The following MDGA2 variants were observed in gnomAD, a reference collection of about 807,000 sequenced individuals.
The protein encoded by MDGA2 is MAM domain containing glycosylphosphatidylinositol anchor 2, also known as MAM domain-containing glycosylphosphatidylinositol anchor protein 2.
MDGA2 carries 40 observed loss-of-function variants against 117.8 expected under a neutral mutation model. That is an observed-to-expected ratio of 0.34 (90% CI 0.26 to 0.44). MDGA2 has a LOEUF of 0.44. MDGA2 is among the 20% of genes least tolerant of loss of function. The pLI, the probability that MDGA2 is intolerant of heterozygous loss-of-function variation, is 1.00. For missense variants in MDGA2, 1,123 were observed against 1,250.6 expected (o/e 0.90, Z 1.54); for synonymous variants, 452 against 439.0 (o/e 1.03, Z -0.37).
intron 5 of MDGA2, among the ~76,000 whole-genome samples, chr14:47,116,661 C>T (rs897901406): frequency 5.9e-5 from 9 of 151,916 alleles, no homozygotes; most frequent in Admixed American, 5.2e-4. Flanking sequence ...AAGATAGTCT[C>T]CTAGACAAAG....
intron 2 of MDGA2, among the ~76,000 whole-genome samples, chr14:47,287,694 A>G (rs766969513): frequency 3.9e-5 from 6 of 152,208 alleles, no homozygotes; most frequent in Non-Finnish European, 8.8e-5. Flanking sequence ...AATATATGTT[A>G]CAGGTTGATT....
chr14:47,341,244 C>G (rs1890612984), intron 1 of MDGA2, among the ~76,000 whole-genome samples: 1 of 152,148 alleles, frequency 6.6e-6, no homozygotes, highest in South Asian at 2.1e-4. Flanking sequence ...GGCTGGGAAA[C>G]TATTTCTTAA....
At chr14:47,407,198 G>A (rs1892276475) in intron 1 of MDGA2, among the ~76,000 whole-genome samples, 1 of 151,910 alleles carries the variant, frequency 6.6e-6, no homozygotes, top group Non-Finnish European at 1.5e-5. Context: ...TTAAGATTCT[G>A]GTGTATTTTG....
intron 1 of MDGA2, among the ~76,000 whole-genome samples, chr14:47,655,895 C>T (rs1897734113): frequency 1.3e-5 from 2 of 152,128 alleles, no homozygotes; most frequent in African/African-American, 2.4e-5. Flanking sequence ...CATATAATCC[C>T]ACACATCCCA....
chr14:47,610,856 C>A (rs536293480), intron 1 of MDGA2, among the ~76,000 whole-genome samples: 2 of 151,978 alleles, frequency 1.3e-5, no homozygotes, highest in Non-Finnish European at 2.9e-5. Flanking sequence ...TAGAAAAAAA[C>A]TATTCTAAAA....
chr14:47,089,098 T>G (rs1254811989), intron 6 of MDGA2, among the ~76,000 whole-genome samples: 1 of 152,132 alleles, frequency 6.6e-6, no homozygotes, highest in African/African-American at 2.4e-5. Context: ...GATTTTTTTT[T>G]CCTGAGTATA....
At chr14:47,200,877 C>T in intron 3 of MDGA2, 1 of 861,674 alleles carries the variant, frequency 1.2e-6, no homozygotes, top group South Asian at 1.3e-5. Flanking sequence ...CCGTCAAACA[C>T]CTTAAGGCAG....
intron 8 of MDGA2, among the ~76,000 whole-genome samples, chr14:47,024,524 T>A (rs907105436): frequency 1.3e-5 from 2 of 152,194 alleles, no homozygotes; most frequent in African/African-American, 4.8e-5. Flanking sequence ...TAGCTTTGAA[T>A]AGTTTCCTCC....
intron 8 of MDGA2, among the ~76,000 whole-genome samples, chr14:47,009,324 T>C (rs988124440): frequency 6.6e-5 from 10 of 152,094 alleles, no homozygotes; most frequent in Non-Finnish European, 1.5e-5. Flanking sequence ...TAATATGCTA[T>C]AGTTTCTCCT....
chr14:46,938,375 C>T (rs1439680604), intron 9 of MDGA2, among the ~76,000 whole-genome samples: 3 of 150,762 alleles, frequency 2.0e-5, no homozygotes, highest in African/African-American at 7.3e-5. Context: ...CCCTTCTCTA[C>T]TAAAAATAAA....
rs575779560 is a variant in MDGA2 at position 47,176,747 on chromosome 14, A to G, written c.596-32473T>C. ...ATTCAGGACACAGGCATGGGCAAAG[A>G]CTTCATGTCTAAAACACCAAAAGCA... On this transcript the variant is annotated intron_variant, in intron 3 of 16. Coordinates refer to ENST00000399232, the MANE Select transcript of MDGA2 (RefSeq NM_001113498.3). Among the ~76,000 whole-genome samples, 557 of 152,338 alleles carry G rather than the reference A, an allele frequency of 3.7e-3. 1 individual carries two copies. The highest frequency in any genetic ancestry group is 0.013 in the African/African-American group (528 of 41,568).
At chr14:47,570,154 C>T (rs1895992234) in intron 1 of MDGA2, among the ~76,000 whole-genome samples, 1 of 151,980 alleles carries the variant, frequency 6.6e-6, no homozygotes, top group Non-Finnish European at 1.5e-5. Flanking sequence ...TATCTTCTTT[C>T]TCAAATATGC....
Position 47,156,925 on chromosome 14 carries a change from A to G in MDGA2, c.596-12651T>C, listed in dbSNP as rs1042712821. Among the ~76,000 whole-genome samples the G allele has an allele frequency of 3.9e-5, 6 of 152,344 alleles. No homozygotes were observed. In the East Asian group the frequency reaches 5.8e-4, roughly 15 times the overall value. The stretch of plus-strand genomic sequence containing the variant: ...TATATGAATGCACTATATGAGTGAT[A>G]GCTCATAACAATAGATAACGCTAAT... On this transcript the variant is annotated intron_variant, in intron 3 of 16. Transcript: ENST00000399232.
chr14:47,261,511 T>A (rs967605231), intron 2 of MDGA2, among the ~76,000 whole-genome samples: 3 of 152,142 alleles, frequency 2.0e-5, no homozygotes, highest in South Asian at 2.1e-4. Context: ...TCATAAGATG[T>A]TAAAGCAGAT....
chr14:47,537,289 C>G (rs189688086), intron 1 of MDGA2, among the ~76,000 whole-genome samples: 1 of 123,514 alleles, frequency 8.1e-6, no homozygotes, highest in East Asian at 2.3e-4. Flanking sequence ...AGGAACATCA[C>G]ACACCAGGGC....
Position 47,226,924 on chromosome 14 carries a change from T to A in MDGA2, c.421-8729A>T, listed in dbSNP as rs544399828. The stretch of plus-strand genomic sequence containing the variant: ...CTGGGATCCTTTCTGACTTGAAAGT[T>A]CTCCCTTTTTCCTTCATTTAGTATC... On this transcript the variant is annotated intron_variant, in intron 2 of 16. Transcript: ENST00000399232. Among the ~76,000 whole-genome samples, 150 of 152,174 alleles carry A rather than the reference T, an allele frequency of 9.9e-4. 1 individual carries two copies. Among genetic ancestry groups the A allele is most frequent in the Admixed American group, 4.3e-3 (66 of 15,282 alleles).
At chr14:47,517,674 T>C (rs1894782455) in intron 1 of MDGA2, among the ~76,000 whole-genome samples, 2 of 152,280 alleles carry the variant, frequency 1.3e-5, no homozygotes, top group East Asian at 3.9e-4. Flanking sequence ...TAGACACCTC[T>C]GTCCTTCAGT....
rs148882904 is a variant in MDGA2 at position 47,207,518 on chromosome 14, T to A, written c.595+10503A>T. 1.2e-4 allele frequency among the ~76,000 whole-genome samples: 19 copies of A among 152,050 alleles called. No homozygotes were observed. In the East Asian group the frequency reaches 3.7e-3, roughly 29 times the overall value. On this transcript the variant is annotated intron_variant, in intron 3 of 16. Transcript: ENST00000399232. ...GTGATGAGAGACTGGAATAAGATAG[T>A]GGAAGTGGGATTAAAAAATGGAATT...
intron 8 of MDGA2, among the ~76,000 whole-genome samples, chr14:46,986,895 T>G (rs1954228): frequency 6.6e-6 from 1 of 151,916 alleles, no homozygotes; most frequent in Non-Finnish European, 1.5e-5. Context: ...TTGATTTTCA[T>G]GACCATTCTG....
Sources: allele counts gnomAD v4.1 joint callset (sites outside exome capture counted in the v4.1 genomes callset), GRCh38; gene constraint gnomAD v4.1.1; transcripts MANE v1.5; gene names NCBI Gene and HGNC (gene_info 2026-07-23, HGNC 2026-07-21).